Variants in OXR1 observed in about 807,000 individuals in gnomAD.
The protein encoded by OXR1 is oxidation resistance 1.
A neutral mutation model predicts 104.6 loss-of-function variants in OXR1; 41 were observed. That is an observed-to-expected ratio of 0.39 (90% confidence interval 0.31 to 0.51). The LOEUF (loss-of-function observed/expected upper bound fraction) is 0.51, where lower values mean the gene tolerates loss of function less well. Among genes scored for constraint, OXR1 ranks in the 20% least tolerant of loss-of-function variants. The pLI is 0.77. For synonymous variants in OXR1, 348 were observed against 348.4 expected, an observed-to-expected ratio of 1.00 and a Z score of 0.01; for missense variants, 955 against 1,031.9, an observed-to-expected ratio of 0.93 and a Z score of 1.02.
intron 1 of OXR1, among the ~76,000 whole-genome samples, chr8:106,287,028 C>T (rs978954855): frequency 6.6e-6 from 1 of 152,160 alleles, no homozygotes; most frequent in South Asian, 2.1e-4. Flanking sequence ...CATTTGGTAT[C>T]GTAGGTATCA....
At chr8:106,609,038 AT>A (rs1820611898) in intron 3 of OXR1, among the ~76,000 whole-genome samples, 1 of 152,100 alleles carries the variant, frequency 6.6e-6, no homozygotes. Context: ...TGCTTTCCTG[AT>A]TGCTTTCTGT....
At chr8:106,541,340 A>C (rs959244393) in intron 3 of OXR1, among the ~76,000 whole-genome samples, 1 of 152,228 alleles carries the variant, frequency 6.6e-6, no homozygotes, top group African/African-American at 2.4e-5. Context: ...CTCCTTAAAC[A>C]GTGTTTCAAA....
chr8:106,672,290 C>T (rs1827089316), intron 3 of OXR1, among the ~76,000 whole-genome samples: 1 of 147,734 alleles, frequency 6.8e-6, no homozygotes, highest in Admixed American at 6.7e-5. Context: ...CCAGCCTGAC[C>T]AATATAGTGA....
At chr8:106,728,217 G>GA (rs1164061309) in intron 11 of OXR1, among the ~76,000 whole-genome samples, 4,362 of 85,488 alleles carry the variant, frequency 0.051, 100 homozygotes, top group East Asian at 0.099. Flanking sequence ...TTCTAAACTG[G>GA]AAAAAAAAAA....
At chr8:106,533,304 G>A (rs1268771572) in intron 3 of OXR1, among the ~76,000 whole-genome samples, 2 of 152,180 alleles carry the variant, frequency 1.3e-5, no homozygotes, top group South Asian at 2.1e-4. Context: ...GCCTCTGCTA[G>A]TAATTAGGAA....
chr8:106,432,140 A>C (rs535089321), intron 2 of OXR1, among the ~76,000 whole-genome samples: 161 of 152,254 alleles, frequency 1.1e-3, no homozygotes, highest in Admixed American at 1.8e-3. Context: ...CTACTTCCCT[A>C]GTGCATCCCC....
chr8:106,662,610 A>G (rs1563679705), intron 3 of OXR1, among the ~76,000 whole-genome samples: 1 of 152,190 alleles, frequency 6.6e-6, no homozygotes, highest in Non-Finnish European at 1.5e-5. Flanking sequence ...CTATGAGGTA[A>G]TTAATAGTAG....
intron 11 of OXR1, among the ~76,000 whole-genome samples, chr8:106,716,630 C>CAAAA (rs760744812): frequency 1.4e-4 from 10 of 71,468 alleles, no homozygotes; most frequent in Non-Finnish European, 2.1e-4. Context: ...GACTCCGTCT[C>CAAAA]AAAAAAAAAA....
At chr8:106,653,926 A>T (rs1824838602) in intron 3 of OXR1, among the ~76,000 whole-genome samples, 1 of 152,060 alleles carries the variant, frequency 6.6e-6, no homozygotes, top group Non-Finnish European at 1.5e-5. Context: ...AATCAATTTT[A>T]TTTCTGTATA....
intron 2 of OXR1, among the ~76,000 whole-genome samples, chr8:106,483,185 G>C (rs990599190): frequency 2.6e-5 from 4 of 151,940 alleles, no homozygotes; most frequent in Admixed American, 6.6e-5. Context: ...GGCAAGCTTT[G>C]ACTTGAGGTT....
intron 1 of OXR1, among the ~76,000 whole-genome samples, chr8:106,315,460 AAACT>A (rs1359382551): frequency 6.6e-6 from 1 of 152,208 alleles, no homozygotes; most frequent in African/African-American, 2.4e-5. Context: ...TCCTCCTAAC[AAACT>A]AATTTGTAGT....
intron 3 of OXR1, among the ~76,000 whole-genome samples, chr8:106,578,986 T>TTTG (rs1818046657): frequency 2.9e-5 from 4 of 140,024 alleles, no homozygotes; most frequent in African/African-American, 1.1e-4. Context: ...ACTTTTTCTT[T>TTTG]CTTTTTTTTT....
At chr8:106,332,173 G>A (rs1814745534) in intron 1 of OXR1, among the ~76,000 whole-genome samples, 1 of 152,076 alleles carries the variant, frequency 6.6e-6, no homozygotes, top group South Asian at 2.1e-4. Context: ...AAATATGAGA[G>A]AGGGTCAATG....
At chr8:106,367,582 G>T (rs908505249) in intron 2 of OXR1, among the ~76,000 whole-genome samples, 7 of 151,648 alleles carry the variant, frequency 4.6e-5, no homozygotes, top group African/African-American at 1.7e-4. Flanking sequence ...CATCTACATT[G>T]TACTATTTTT....
At chr8:106,659,285 C>T (rs1057243621) in intron 3 of OXR1, among the ~76,000 whole-genome samples, 1 of 152,170 alleles carries the variant, frequency 6.6e-6, no homozygotes, top group African/African-American at 2.4e-5. Context: ...AGCAGTAAAA[C>T]AGTGAGGACA....
intron 2 of OXR1, among the ~76,000 whole-genome samples, chr8:106,445,819 C>T (rs1412632354): frequency 6.6e-6 from 1 of 152,152 alleles, no homozygotes; most frequent in Non-Finnish European, 1.5e-5. Flanking sequence ...TCTTCAAGTG[C>T]AAGAAAAATG....
chr8:106,716,684 T>C (rs943741546), intron 11 of OXR1, among the ~76,000 whole-genome samples: 2 of 149,608 alleles, frequency 1.3e-5, no homozygotes, highest in Non-Finnish European at 3.0e-5. Flanking sequence ...TTTAATGACT[T>C]AGAATGGAAA....
chr8:106,595,832 A>G (rs1203874866), intron 3 of OXR1, among the ~76,000 whole-genome samples: 2 of 152,200 alleles, frequency 1.3e-5, no homozygotes, highest in African/African-American at 4.8e-5. Context: ...AGAATTCAGT[A>G]CACATTTGAG....
chr8:106,585,798 G>A (rs1238617348), intron 3 of OXR1, among the ~76,000 whole-genome samples: 4 of 152,140 alleles, frequency 2.6e-5, no homozygotes, highest in Non-Finnish European at 2.9e-5. Flanking sequence ...TAGTAATGTA[G>A]ATACATTGGG....
Sources: gnomAD v4.1 joint callset for allele counts (sites outside exome capture counted in the v4.1 genomes callset) on GRCh38, gnomAD v4.1.1 for gene constraint, MANE v1.5 for transcripts, NCBI Gene and HGNC (gene_info 2026-07-23, HGNC 2026-07-21) for gene names.